The following CDH18 variants were observed in gnomAD, a reference collection of about 807,000 sequenced individuals.
The protein encoded by CDH18 is cadherin 18.
A neutral mutation model predicts 67.9 loss-of-function variants in CDH18; 31 were observed. The observed-to-expected ratio is 0.46, with a 90% confidence interval of 0.34 to 0.62. The LOEUF (loss-of-function observed/expected upper bound fraction) is 0.62. CDH18 is among the 20% of genes least tolerant of loss of function. CDH18 has a pLI of 0.01. For missense variants in CDH18, 890 were observed against 975.5 expected, an observed-to-expected ratio of 0.91 and a Z score of 1.17; for synonymous variants, 362 against 347.2, an observed-to-expected ratio of 1.04 and a Z score of -0.48.
chr5:20,020,278 A>G (rs1221463687), intron 2 of CDH18, among the ~76,000 whole-genome samples: 1 of 152,216 alleles, frequency 6.6e-6, no homozygotes, highest in East Asian at 1.9e-4. Flanking sequence ...GACCGTGAGG[A>G]TAGAAAATGG....
Position 19,760,586 on chromosome 5 carries a change from C to T in CDH18, c.229-13350G>A, listed in dbSNP as rs926031502. Among the ~76,000 whole-genome samples, 3 of 152,150 alleles carry T rather than the reference C, an allele frequency of 2.0e-5. No individual in the cohort carries two copies. The South Asian group carries it at 6.2e-4, about 32-fold the overall frequency. ...CCAGATCAATAAATTCAGCCTGATC[C>T]GACTCTGTGTTCCTTCCACCATTAT... On this transcript the variant is annotated intron_variant, in intron 3 of 12. Transcript: ENST00000382275.
chr5:20,081,536 T>G (rs1744475044), intron 2 of CDH18, among the ~76,000 whole-genome samples: 1 of 152,146 alleles, frequency 6.6e-6, no homozygotes, highest in Admixed American at 6.5e-5. Context: ...AGCAAAGACA[T>G]GGGATCTACC....
chr5:20,181,184 CT>C lies in CDH18; in HGVS notation c.-518+74259del, dbSNP rs138089331. Among the ~76,000 whole-genome samples the C allele has an allele frequency of 5.0e-3, 764 of 152,250 alleles. 10 individuals are homozygous for C. Among genetic ancestry groups the C allele is most frequent in the African/African-American group, 0.017 (698 of 41,548 alleles). ...AGTGTGCTGAACTCTTACAGGAATACTAGTATTCATACATTTCAGTTGCTCC... is the reference window on the plus strand; with the variant it reads ...AGTGTGCTGAACTCTTACAGGAATACAGTATTCATACATTTCAGTTGCTCC... On this transcript the variant is annotated intron_variant, in intron 2 of 14. Transcript: ENST00000507958.
chr5:20,274,524 T>C (rs1391998814), intron 1 of CDH18, among the ~76,000 whole-genome samples: 2 of 152,174 alleles, frequency 1.3e-5, no homozygotes, highest in East Asian at 3.9e-4. Flanking sequence ...ATATTCCTTA[T>C]CTTGATTTTT....
At chr5:19,981,923 C>G (rs1799083553) in intron 1 of CDH18, among the ~76,000 whole-genome samples, 1 of 151,994 alleles carries the variant, frequency 6.6e-6, no homozygotes, top group South Asian at 2.1e-4. Flanking sequence ...TTCATTTTTT[C>G]TCTTTAACAA....
intron 2 of CDH18, among the ~76,000 whole-genome samples, chr5:19,929,366 G>T (rs1436619140): frequency 6.6e-6 from 1 of 152,004 alleles, no homozygotes; most frequent in Non-Finnish European, 1.5e-5. Flanking sequence ...TATATGCAGA[G>T]GACACAGCAA....
chr5:19,965,606 T>C (rs1386504107), intron 2 of CDH18, among the ~76,000 whole-genome samples: 2 of 152,182 alleles, frequency 1.3e-5, no homozygotes, highest in African/African-American at 2.4e-5. Context: ...ACAGGAGTGA[T>C]TTATTAGATT....
At chr5:20,157,510 T>G (rs1336103983) in intron 2 of CDH18, among the ~76,000 whole-genome samples, 1 of 152,196 alleles carries the variant, frequency 6.6e-6, no homozygotes, top group Non-Finnish European at 1.5e-5. Flanking sequence ...GCATATATAA[T>G]GCATAGTGAT....
At chr5:19,574,903 G>A (rs1742068032) in intron 7 of CDH18, among the ~76,000 whole-genome samples, 1 of 152,154 alleles carries the variant, frequency 6.6e-6, no homozygotes, top group Admixed American at 6.5e-5. Flanking sequence ...GCCGGGTGTG[G>A]TTGTGCACGC....
Position 20,158,770 on chromosome 5 carries a change from T to A in CDH18, c.-518+96674A>T, listed in dbSNP as rs185689538. The A allele has an allele frequency of 6.3e-4, 109 of 172,418 alleles. No individual in the cohort carries two copies. In the South Asian group the frequency reaches 0.017, roughly 27 times the overall value. 10.7% of individuals were successfully genotyped at this position (172,418 alleles called of 1,614,324 possible). Reference sequence around the variant, plus strand: ...TACATAAAAGATAAAAGGTGATCAGTAACCTTGTGAATATAGTGTGAACCA... The same window carrying A: ...TACATAAAAGATAAAAGGTGATCAGAAACCTTGTGAATATAGTGTGAACCA... On this transcript the variant is annotated intron_variant, in intron 2 of 14. Coordinates refer to the CDH18 transcript ENST00000507958.
chr5:20,058,666 C>A (rs1481774715), intron 2 of CDH18, among the ~76,000 whole-genome samples: 1 of 152,026 alleles, frequency 6.6e-6, no homozygotes, highest in Non-Finnish European at 1.5e-5. Context: ...TCAAAATACA[C>A]CTGTGAAGAA....
chr5:20,339,651 C>T (rs1740086658), intron 1 of CDH18, among the ~76,000 whole-genome samples: 1 of 152,136 alleles, frequency 6.6e-6, no homozygotes, highest in Non-Finnish European at 1.5e-5. Flanking sequence ...TTTTAGGTGG[C>T]CCCTGGCCTT....
At chr5:19,992,930 A>G (rs556352475), upstream of CDH18, among the ~76,000 whole-genome samples, 1 of 152,226 alleles carries the variant, frequency 6.6e-6, no homozygotes, top group South Asian at 2.1e-4. Context: ...TTGCTGTAGT[A>G]AGCAACTACC....
At position 19,878,354 on chromosome 5, in the gene CDH18, G is replaced by GTATTTATAT. The variant is rs555276171; in HGVS notation, c.-256-39121_-256-39113dup. On this transcript the variant is annotated intron_variant, in intron 2 of 12. Coordinates refer to ENST00000382275, the MANE Select transcript of CDH18 (RefSeq NM_004934.5). ...TACAAACTGGAGTTAGTACTAGAAC[G>GTATTTATAT]TATTTATATTATTCTTTGCTACAAT... Among the ~76,000 whole-genome samples the GTATTTATAT allele has an allele frequency of 1.2e-3, 181 of 152,088 alleles. 6 individuals carry two copies. The South Asian group carries it at 0.034, about 28-fold the overall frequency.
intron 8 of CDH18, among the ~76,000 whole-genome samples, chr5:19,564,447 T>A (rs1323549932): frequency 2.0e-5 from 3 of 151,884 alleles, no homozygotes; most frequent in Admixed American, 6.6e-5. Context: ...TCAGACAACA[T>A]TTTTAGATAC....
At chr5:20,492,711 T>C (rs1386179233) in intron 1 of CDH18, among the ~76,000 whole-genome samples, 2 of 152,190 alleles carry the variant, frequency 1.3e-5, no homozygotes, top group African/African-American at 4.8e-5. Flanking sequence ...AATTACACAA[T>C]TGACACATAC....
At chr5:19,853,553 C>A (rs1051974320) in intron 2 of CDH18, among the ~76,000 whole-genome samples, 3 of 152,048 alleles carry the variant, frequency 2.0e-5, no homozygotes, top group Non-Finnish European at 2.9e-5. Flanking sequence ...CCACATGGAA[C>A]AAAATGAGGG....
chr5:19,519,498 A>C (rs911905135), intron 10 of CDH18, among the ~76,000 whole-genome samples: 6 of 152,140 alleles, frequency 3.9e-5, no homozygotes, highest in African/African-American at 1.4e-4. Context: ...TACCCTTTCC[A>C]CTTCTGGATT....
chr5:19,840,185 G>A (rs951892672), intron 2 of CDH18, among the ~76,000 whole-genome samples: 2 of 150,148 alleles, frequency 1.3e-5, no homozygotes, highest in Admixed American at 1.3e-4. Context: ...GGAAAATGGC[G>A]TGAACCCGGG....
Sources: gnomAD v4.1 joint callset for allele counts (sites outside exome capture counted in the v4.1 genomes callset) on GRCh38, gnomAD v4.1.1 for gene constraint, MANE v1.5 for transcripts, NCBI Gene and HGNC (gene_info 2026-07-23, HGNC 2026-07-21) for gene names.